The following RALGDS variants were observed in gnomAD, a reference collection of about 807,000 sequenced individuals.
RALGDS encodes ral guanine nucleotide exchange factor.
Under a neutral mutation model 99.8 loss-of-function variants are expected in RALGDS, and 44 were observed. The ratio of observed to expected loss-of-function variants is 0.44; its 90% CI spans 0.35 to 0.57. The LOEUF (loss-of-function observed/expected upper bound fraction) is 0.57. RALGDS is among the 20% of genes least tolerant of loss of function. The probability of loss-of-function intolerance (pLI) is 0.01; values close to 1 mark genes in which losing one functional copy is unlikely to be tolerated. For synonymous variants in RALGDS, 529 were observed against 505.0 expected (o/e 1.05, Z -0.64); for missense variants, 1,022 against 1,203.1 (o/e 0.85, Z 2.23).
In RALGDS at chr9:133,107,335, C is replaced by G. The variant is rs1027374249; in HGVS notation, c.1198-35G>C. On this transcript the variant is annotated intron_variant, in intron 6 of 17. Coordinates refer to ENST00000372050, the MANE Select transcript of RALGDS (RefSeq NM_006266.4). ...AGGCTAAATGTCACCTGGTCCTGCC[C>G]CAGCAGTCTGGGCTGGTGCTGGGGA... 5.7e-6 allele frequency: 9 copies of G among 1,565,860 alleles called. No individual in the cohort carries two copies. The African/African-American group carries it at 1.2e-4, about 21-fold the overall frequency.
At chr9:133,117,142 A>G (rs992052797) in intron 1 of RALGDS, among the ~76,000 whole-genome samples, 1 of 152,208 alleles carries the variant, frequency 6.6e-6, no homozygotes, top group African/African-American at 2.4e-5. Flanking sequence ...CTCCCCTGGC[A>G]CCTAATCAGA....
At chr9:133,124,035 C>T (rs111163024), upstream of RALGDS, among the ~76,000 whole-genome samples, 1 of 102,500 alleles carries the variant, frequency 9.8e-6, no homozygotes, top group Admixed American at 1.0e-4. Flanking sequence ...GATGCACACA[C>T]AGAGACACAC....
At chr9:133,142,163 G>C (rs1282617456) in intron 1 of RALGDS, among the ~76,000 whole-genome samples, 1 of 152,208 alleles carries the variant, frequency 6.6e-6, no homozygotes, top group Non-Finnish European at 1.5e-5. Context: ...GGGGAGGGGG[G>C]AGTGGACTGG....
At chr9:133,125,979 C>T (rs1212477777), upstream of RALGDS, among the ~76,000 whole-genome samples, 1 of 152,162 alleles carries the variant, frequency 6.6e-6, no homozygotes, top group African/African-American at 2.4e-5. Flanking sequence ...TCCGGATGCC[C>T]ACATGGGGCT....
intron 1 of RALGDS, among the ~76,000 whole-genome samples, chr9:133,112,961 G>A (rs566117408): frequency 6.6e-6 from 1 of 152,324 alleles, no homozygotes; most frequent in East Asian, 1.9e-4. Flanking sequence ...GGCCTAGACT[G>A]GAACAGGAAG....
chr9:133,117,419 A>T (rs1831663449), intron 1 of RALGDS, among the ~76,000 whole-genome samples: 1 of 152,200 alleles, frequency 6.6e-6, no homozygotes, highest in Non-Finnish European at 1.5e-5. Context: ...TCCAGGAATG[A>T]CTACAGGGGA....
At chr9:133,128,741 C>G (rs772461716) in intron 1 of RALGDS, among the ~76,000 whole-genome samples, 2 of 152,216 alleles carry the variant, frequency 1.3e-5, no homozygotes, top group African/African-American at 2.4e-5. Context: ...ATTTCTCCAT[C>G]AGTAAAATGG....
chr9:133,128,187 G>A (rs897974973), intron 1 of RALGDS, among the ~76,000 whole-genome samples: 10 of 151,372 alleles, frequency 6.6e-5, no homozygotes, highest in South Asian at 4.2e-4. Flanking sequence ...GTGACAGGCC[G>A]AAGTGGAGGG....
At position 133,111,180 on chromosome 9, in the gene RALGDS, C is replaced by T. The variant is rs532446579; in HGVS notation, c.295-691G>A. The stretch of plus-strand genomic sequence containing the variant: ...AATGGTAGCTGCCCTGTGGGAAGAG[C>T]GTCATCTGAGAGCTCTAACAAAATA... On this transcript the variant is annotated intron_variant, in intron 2 of 17. Coordinates refer to ENST00000372050, the MANE Select transcript of RALGDS (RefSeq NM_006266.4). Among the ~76,000 whole-genome samples the T allele has an allele frequency of 7.2e-5, 11 of 152,300 alleles. No homozygotes were observed. The South Asian group carries it at 2.3e-3, about 32-fold the overall frequency.
intron 1 of RALGDS, among the ~76,000 whole-genome samples, chr9:133,147,461 C>T (rs1002370744): frequency 9.9e-5 from 15 of 152,230 alleles, no homozygotes; most frequent in Non-Finnish European, 7.3e-5. Flanking sequence ...ACACCCAAGC[C>T]CAACGCTGCC....
intron 17 of RALGDS, 188 bp from the exon 18 acceptor site, chr9:133,098,950 C>T: frequency 1.6e-6 from 1 of 611,672 alleles, no homozygotes; most frequent in Non-Finnish European, 2.9e-6. Flanking sequence ...CTGAGGTCCT[C>T]ACAAAACCTG....
upstream of RALGDS, among the ~76,000 whole-genome samples, chr9:133,122,048 C>G (rs535895813): frequency 6.6e-6 from 1 of 152,342 alleles, no homozygotes; most frequent in African/African-American, 2.4e-5. Flanking sequence ...AGGCATCTGA[C>G]AAGGAGGAAG....
intron 1 of RALGDS, among the ~76,000 whole-genome samples, chr9:133,117,383 C>A (rs1452043858): frequency 6.6e-6 from 1 of 152,154 alleles, no homozygotes; most frequent in Non-Finnish European, 1.5e-5. Context: ...AGGCTCCCTG[C>A]CCCTCGGTTG....
At chr9:133,129,657 G>T (rs1022357134) in intron 1 of RALGDS, among the ~76,000 whole-genome samples, 8 of 152,090 alleles carry the variant, frequency 5.3e-5, no homozygotes, top group Non-Finnish European at 1.0e-4. Flanking sequence ...TCAAAACAGG[G>T]TTCGGTCAGC....
At chr9:133,115,549 T>C (rs998801377) in intron 1 of RALGDS, among the ~76,000 whole-genome samples, 5 of 152,094 alleles carry the variant, frequency 3.3e-5, no homozygotes, top group Non-Finnish European at 7.4e-5. Flanking sequence ...AGACAGCAGC[T>C]CCCTGTCTCT....
chr9:133,111,928 G>T, intron 2 of RALGDS, 114 bp downstream of exon 2: 1 of 795,376 alleles, frequency 1.3e-6, no homozygotes, highest in Non-Finnish European at 2.1e-6. Context: ...AGTGGGGGTC[G>T]GGAAGGGAGT....
At chr9:133,142,646 C>A (rs191867050) in intron 1 of RALGDS, among the ~76,000 whole-genome samples, 72 of 152,322 alleles carry the variant, frequency 4.7e-4, no homozygotes, top group African/African-American at 1.7e-3. Flanking sequence ...GGGGGGCCCA[C>A]ATACCCCTGG....
At chr9:133,103,091 T>C in intron 12 of RALGDS, 139 bp downstream of exon 12, 1 of 1,371,106 alleles carries the variant, frequency 7.3e-7, no homozygotes, top group South Asian at 1.2e-5. Context: ...CACCCTCCAG[T>C]GGGAGGGGAC....
In RALGDS at chr9:133,107,131, G is replaced by A. The variant is rs767285618; in HGVS notation, c.1367C>T (p.Ala456Val). 1 of 1,613,758 alleles carries A rather than the reference G, an allele frequency of 6.2e-7. No individual in the cohort carries two copies. The highest frequency in any genetic ancestry group is 8.5e-7 in the Non-Finnish European group (1 of 1,180,048). ...CTCCACCACCCTGGCCCTGTCTGGG[G>A]CTTTCGTGCTTCGGTTCCCGAGGCA... ...TTCLGNRSTK[A>V]PDRARVVEHW... Residue 456 changes from alanine (A) to valine (V), a missense_variant, in exon 7 of 18, where the codon GCC (alanine) becomes GTC (valine). By Grantham distance (64) the Ala-to-Val change is moderately conservative. Around this residue, in one of 3 missense-constraint regions of RALGDS, gnomAD observed 825 missense variants for 994.5 expected, o/e 0.83. Transcript: ENST00000372050.
Sources: gnomAD v4.1 joint callset for allele counts (sites outside exome capture counted in the v4.1 genomes callset) on GRCh38, gnomAD v4.1.1 for gene constraint, gnomAD v4.1.1 regional missense constraint, MANE v1.5 for transcripts, NCBI Gene and HGNC (gene_info 2026-07-23, HGNC 2026-07-21) for gene names.